JAKMIP2: variants seen among roughly 807,000 people sequenced by gnomAD.
The protein encoded by JAKMIP2 is janus kinase and microtubule interacting protein 2, also known as janus kinase and microtubule-interacting protein 2.
In JAKMIP2, 25 loss-of-function variants were observed where a neutral mutation model predicts 115.0. The observed-to-expected ratio is 0.22, with a 90% CI of 0.16 to 0.30. The LOEUF is 0.30. Ranked by LOEUF, JAKMIP2 falls within the 10% of genes least tolerant of loss-of-function variation. The pLI, the probability that JAKMIP2 is intolerant of heterozygous loss-of-function variation, is 1.00. For missense variants in JAKMIP2, 642 were observed against 957.6 expected, an observed-to-expected ratio of 0.67 and a Z score of 4.35; for synonymous variants, 334 against 343.6, an observed-to-expected ratio of 0.97 and a Z score of 0.31.
intron 21 of JAKMIP2, 46 bp from the exon 22 acceptor site, chr5:147,591,732 T>C (rs1370894345): frequency 4.2e-6 from 5 of 1,191,420 alleles, no homozygotes; most frequent in Non-Finnish European, 4.9e-6. Flanking sequence ...ATTTTGTTAA[T>C]AGCTGAATCA....
chr5:147,618,612 C>T (rs1350317655), intron 18 of JAKMIP2, among the ~76,000 whole-genome samples: 2 of 152,104 alleles, frequency 1.3e-5, no homozygotes, highest in African/African-American at 4.8e-5. Context: ...GTGGTGCGCA[C>T]CTGTAATCCC....
At chr5:147,657,405 C>G in intron 3 of JAKMIP2, among the ~76,000 whole-genome samples, 1 of 152,138 alleles carries the variant, frequency 6.6e-6, no homozygotes, top group East Asian at 1.9e-4. Context: ...TTTTAGGTGA[C>G]CTGGCCTTTC....
Position 147,742,155 on chromosome 5 carries a change from A to ATATATATATATATATATATATATATTTT in JAKMIP2, c.-149+40300_-149+40301insAAAATATATATATATATATATATATATA. Among the ~76,000 whole-genome samples, 14 of 108,888 alleles carry ATATATATATATATATATATATATATTTT rather than the reference A, an allele frequency of 1.3e-4. 1 individual carries two copies. In the South Asian group the frequency reaches 3.1e-3, roughly 24 times the overall value. 71.4% of individuals were successfully genotyped at this position (108,888 alleles called of 152,430 possible). On this transcript the variant is annotated intron_variant, in intron 1 of 21. Transcript: ENST00000616793. Reference sequence around the variant, plus strand: ...TGTGGATCATTATATATATATATATATTTTTTTTACTATTGTATTGTATCT... The same window carrying ATATATATATATATATATATATATATTTT: ...TGTGGATCATTATATATATATATATATATATATATATATATATATATATATTTTTTTTTTTTACTATTGTATTGTATCT...
chr5:147,764,961 AGAGAGG>A (rs1561582670), intron 1 of JAKMIP2, among the ~76,000 whole-genome samples: 23 of 77,914 alleles, frequency 3.0e-4, no homozygotes, highest in Non-Finnish European at 4.9e-4. Context: ...AGAGAGAGAG[AGAGAGG>A]GGGAGAGAGA....
Position 147,680,133 on chromosome 5 carries a change from A to C in JAKMIP2, c.-148-8179T>G, listed in dbSNP as rs570158527. 5.9e-5 allele frequency among the ~76,000 whole-genome samples: 9 copies of C among 152,356 alleles called. No homozygotes were observed. In the South Asian group the frequency reaches 1.9e-3, roughly 32 times the overall value. ...GCTGTTTCAAGGAATAAATGAGTTA[A>C]AGTATATAAGATAACTAGCAAATTA... On this transcript the variant is annotated intron_variant, in intron 1 of 21. Transcript: ENST00000616793.
chr5:147,704,300 G>A (rs1752485395), intron 1 of JAKMIP2, among the ~76,000 whole-genome samples: 1 of 152,148 alleles, frequency 6.6e-6, no homozygotes, highest in Non-Finnish European at 1.5e-5. Flanking sequence ...GTTTACAGCA[G>A]TAATACCACA....
chr5:147,705,568 CA>C (rs199915059), intron 1 of JAKMIP2, among the ~76,000 whole-genome samples: 151 of 143,942 alleles, frequency 1.0e-3, no homozygotes, highest in African/African-American at 2.2e-3. Context: ...AGACCTGTCT[CA>C]AAAAAAAAAA....
rs780439520 is a variant in JAKMIP2, at chr5:147,612,391, G to C, written c.2347-20C>G. 3 of 1,469,296 alleles carry C rather than the reference G, an allele frequency of 2.0e-6. No individual in the cohort carries two copies. The highest frequency in any genetic ancestry group is 2.8e-6 in the Non-Finnish European group (3 of 1,067,858). The allele number at this position is 1,469,296 out of a possible 1,614,324, so 91.0% of individuals were successfully genotyped here. Reference sequence around the variant, plus strand: ...AATTCTCTGAAGAAAGAAAAGAAAAGAAAGAAAGCATCAGTAGGTGGTAAG... The same window carrying C: ...AATTCTCTGAAGAAAGAAAAGAAAACAAAGAAAGCATCAGTAGGTGGTAAG... On this transcript the variant is annotated intron_variant, in intron 19 of 21. Coordinates refer to ENST00000616793, the MANE Select transcript of JAKMIP2 (RefSeq NM_001270941.2).
chr5:147,742,397 T>C (rs1754183551), intron 1 of JAKMIP2, among the ~76,000 whole-genome samples: 2 of 151,978 alleles, frequency 1.3e-5, no homozygotes, highest in Non-Finnish European at 2.9e-5. Flanking sequence ...AAGGAGCAAG[T>C]TGTTCTCATT....
At chr5:147,770,011 C>T (rs1358730538) in intron 1 of JAKMIP2, among the ~76,000 whole-genome samples, 15 of 152,080 alleles carry the variant, frequency 9.9e-5, no homozygotes, top group Admixed American at 7.9e-4. Context: ...CCACCTACAA[C>T]GAATTCCTTT....
chr5:147,721,852 T>C (rs961556001), intron 1 of JAKMIP2, among the ~76,000 whole-genome samples: 1 of 152,154 alleles, frequency 6.6e-6, no homozygotes, highest in African/African-American at 2.4e-5. Flanking sequence ...GCCGTTCCTA[T>C]TCGGCCATCT....
At chr5:147,712,199 C>G (rs977434171) in intron 1 of JAKMIP2, among the ~76,000 whole-genome samples, 6 of 152,168 alleles carry the variant, frequency 3.9e-5, no homozygotes, top group Admixed American at 3.9e-4. Context: ...CTACAACCCA[C>G]AATCACTCAC....
chr5:147,610,633 G>A (rs867452292), intron 20 of JAKMIP2, among the ~76,000 whole-genome samples: 33 of 152,196 alleles, frequency 2.2e-4, no homozygotes, highest in African/African-American at 7.7e-4. Flanking sequence ...CTCCTGGGAG[G>A]TATCTCCCAG....
intron 2 of JAKMIP2, among the ~76,000 whole-genome samples, chr5:147,663,534 T>C (rs571910656): frequency 5.4e-4 from 82 of 152,334 alleles, no homozygotes; most frequent in Non-Finnish European, 1.0e-3. Flanking sequence ...TGGGACCTTA[T>C]GATTGTGTGA....
intron 1 of JAKMIP2, among the ~76,000 whole-genome samples, chr5:147,743,637 G>T (rs1218124224): frequency 6.6e-6 from 1 of 152,140 alleles, no homozygotes; most frequent in African/African-American, 2.4e-5. Flanking sequence ...TTTTATTTGT[G>T]AATGCTCCAC....
intron 1 of JAKMIP2, among the ~76,000 whole-genome samples, chr5:147,763,423 T>A (rs1755004174): frequency 6.6e-6 from 1 of 152,144 alleles, no homozygotes; most frequent in African/African-American, 2.4e-5. Context: ...CGCACACTGT[T>A]GAAGGAGAGC....
chr5:147,683,533 C>G (rs1760412762), intron 1 of JAKMIP2, among the ~76,000 whole-genome samples: 1 of 151,994 alleles, frequency 6.6e-6, no homozygotes, highest in Non-Finnish European at 1.5e-5. Flanking sequence ...ACAAAAATCC[C>G]TAGCATGTAA....
At chr5:147,619,352 C>T (rs1315405621) in intron 18 of JAKMIP2, among the ~76,000 whole-genome samples, 1 of 146,194 alleles carries the variant, frequency 6.8e-6, no homozygotes, top group African/African-American at 2.7e-5. Context: ...AACTCACTTC[C>T]TTCTCTGTCT....
At position 147,686,273 on chromosome 5, in the gene JAKMIP2, G is replaced by A. The variant is rs1239829723; in HGVS notation, c.-148-14319C>T. ...ATGTATGCCAGTCTCTTTTCATGAA[G>A]GGACTGTGCAGTCAGTTAGATTGGA... On this transcript the variant is annotated intron_variant, in intron 1 of 21. Coordinates refer to ENST00000616793, the MANE Select transcript of JAKMIP2 (RefSeq NM_001270941.2). Among the ~76,000 whole-genome samples the A allele has an allele frequency of 2.0e-5, 3 of 152,232 alleles. No individual in the cohort carries two copies. In the South Asian group the frequency reaches 6.2e-4, roughly 32 times the overall value.
Sources: allele counts gnomAD v4.1 joint callset (sites outside exome capture counted in the v4.1 genomes callset), GRCh38; gene constraint gnomAD v4.1.1; transcripts MANE v1.5; gene names NCBI Gene and HGNC (gene_info 2026-07-23, HGNC 2026-07-21).